Variants in NTM observed in about 807,000 individuals in gnomAD.
NTM encodes the protein neurotrimin.
A neutral mutation model predicts 42.1 loss-of-function variants in NTM; 13 were observed. The observed-to-expected ratio is 0.31, with a 90% CI of 0.20 to 0.49. The LOEUF is 0.49. Among genes scored for constraint, NTM ranks in the 20% least tolerant of loss-of-function variants. NTM has a pLI of 0.99. For missense variants in NTM, 373 were observed against 452.8 expected, an observed-to-expected ratio of 0.82 and a Z score of 1.60; for synonymous variants, 187 against 179.2, an observed-to-expected ratio of 1.04 and a Z score of -0.35.
At chr11:131,459,051 C>T (rs1951147581) in intron 1 of NTM, among the ~76,000 whole-genome samples, 1 of 152,224 alleles carries the variant, frequency 6.6e-6, no homozygotes, top group African/African-American at 2.4e-5. Context: ...AGGCATCTGG[C>T]CAGATTGCAC....
chr11:132,194,033 A>G (rs757549234), intron 3 of NTM, among the ~76,000 whole-genome samples: 1 of 152,114 alleles, frequency 6.6e-6, no homozygotes, highest in Non-Finnish European at 1.5e-5. Context: ...ATTTTACCAG[A>G]TGTACAAAGA....
intron 2 of NTM, among the ~76,000 whole-genome samples, chr11:132,099,060 A>G (rs1196436480): frequency 1.3e-5 from 2 of 152,262 alleles, no homozygotes; most frequent in Non-Finnish European, 2.9e-5. Context: ...GCCGCTGCTT[A>G]TCTCCTTGTA....
intron 2 of NTM, among the ~76,000 whole-genome samples, chr11:131,962,218 C>G (rs1414645105): frequency 6.6e-6 from 1 of 152,140 alleles, no homozygotes; most frequent in Non-Finnish European, 1.5e-5. Flanking sequence ...CTCTTTAAAG[C>G]AGTTGAGGTC....
chr11:132,204,914 A>T (rs1363262146), intron 3 of NTM, among the ~76,000 whole-genome samples: 1 of 152,176 alleles, frequency 6.6e-6, no homozygotes. Context: ...CAAAACCAAC[A>T]CCTGCTTGGT....
chr11:131,509,956 A>G (rs146702375), intron 1 of NTM, among the ~76,000 whole-genome samples: 125 of 152,318 alleles, frequency 8.2e-4, no homozygotes, highest in African/African-American at 2.9e-3. Flanking sequence ...ATGACTGAGC[A>G]GAAGGATTAG....
At chr11:131,795,387 A>G in intron 1 of NTM, 1 of 984,908 alleles carries the variant, frequency 1.0e-6, no homozygotes, top group Non-Finnish European at 1.2e-6. Context: ...CATCACTTAA[A>G]AAGGGAATAG....
chr11:131,496,413 G>A (rs534394047), intron 1 of NTM, among the ~76,000 whole-genome samples: 1 of 152,346 alleles, frequency 6.6e-6, no homozygotes, highest in Admixed American at 6.5e-5. Flanking sequence ...ACCTGAAAAA[G>A]GTCCACCCTT....
intron 2 of NTM, among the ~76,000 whole-genome samples, chr11:131,997,335 A>G (rs569688912): frequency 6.6e-6 from 1 of 152,124 alleles, no homozygotes. Flanking sequence ...TCCTCTGTCT[A>G]TGACTTCTGC....
intron 2 of NTM, among the ~76,000 whole-genome samples, chr11:131,935,428 C>A (rs1231114246): frequency 6.6e-6 from 1 of 152,184 alleles, no homozygotes; most frequent in Admixed American, 6.5e-5. Flanking sequence ...GGATTGATTT[C>A]TTGTGTTTAT....
At chr11:131,390,596 A>G (rs1260891881) in intron 1 of NTM, among the ~76,000 whole-genome samples, 2 of 152,116 alleles carry the variant, frequency 1.3e-5, no homozygotes, top group African/African-American at 4.8e-5. Flanking sequence ...CGGGGTGGAG[A>G]AGGACTTGCT....
At chr11:132,097,878 G>T (rs1476753575) in intron 2 of NTM, among the ~76,000 whole-genome samples, 1 of 152,232 alleles carries the variant, frequency 6.6e-6, no homozygotes, top group Admixed American at 6.5e-5. Flanking sequence ...ATGGTAGGCT[G>T]CTCATCACAC....
At chr11:131,987,450 C>T (rs990161075) in intron 2 of NTM, among the ~76,000 whole-genome samples, 6 of 150,134 alleles carry the variant, frequency 4.0e-5, no homozygotes, top group Non-Finnish European at 8.9e-5. Flanking sequence ...CCAGCCCATC[C>T]CATCACTTTT....
At chr11:131,391,644 GAAAAA>G (rs5795723) in intron 1 of NTM, among the ~76,000 whole-genome samples, 1 of 81,562 alleles carries the variant, frequency 1.2e-5, no homozygotes, top group African/African-American at 4.6e-5. Context: ...TTTTATCTGG[GAAAAA>G]AAAAAAAAAA....
intron 1 of NTM, among the ~76,000 whole-genome samples, chr11:131,509,808 T>A (rs1348362614): frequency 2.0e-5 from 3 of 152,240 alleles, no homozygotes; most frequent in Admixed American, 6.5e-5. Flanking sequence ...AGGAGACCTG[T>A]GTAACTAGAA....
intron 2 of NTM, among the ~76,000 whole-genome samples, chr11:132,122,164 C>T (rs372906067): frequency 4.6e-5 from 7 of 152,178 alleles, no homozygotes; most frequent in African/African-American, 7.2e-5. Flanking sequence ...GCCTTTGCTC[C>T]GAATAGACAG....
chr11:132,175,460 T>A (rs970546396), intron 3 of NTM, among the ~76,000 whole-genome samples: 10 of 152,322 alleles, frequency 6.6e-5, no homozygotes, highest in African/African-American at 2.4e-4. Flanking sequence ...ATATGGCAAA[T>A]GAAGAATAAC....
intron 1 of NTM, among the ~76,000 whole-genome samples, chr11:131,584,017 C>T (rs765410206): frequency 6.6e-6 from 1 of 152,140 alleles, no homozygotes; most frequent in Non-Finnish European, 1.5e-5. Flanking sequence ...TCCATTTTAG[C>T]TACAAGTGAT....
chr11:131,481,842 G>A (rs1317793898), intron 1 of NTM, among the ~76,000 whole-genome samples: 2 of 152,154 alleles, frequency 1.3e-5, no homozygotes, highest in Admixed American at 1.3e-4. Context: ...ACTTCTCTGG[G>A]ACACATTTAG....
intron 1 of NTM, among the ~76,000 whole-genome samples, chr11:131,899,386 C>T (rs949408099): frequency 6.6e-6 from 1 of 152,160 alleles, no homozygotes; most frequent in Non-Finnish European, 1.5e-5. Flanking sequence ...TTAAAAATGC[C>T]TTTACCAAGT....
Sources: allele counts gnomAD v4.1 joint callset (sites outside exome capture counted in the v4.1 genomes callset), GRCh38; gene constraint gnomAD v4.1.1; transcripts MANE v1.5; gene names NCBI Gene and HGNC (gene_info 2026-07-23, HGNC 2026-07-21).